Variants in RASA2 observed in about 807,000 individuals in gnomAD.
RASA2 encodes RAS p21 protein activator 2.
In RASA2, 155 loss-of-function variants were observed where a neutral mutation model predicts 118.2. The observed-to-expected ratio is 1.31, with a 90% confidence interval of 1.15 to 1.50. RASA2 has a LOEUF of 1.50. Ranked by LOEUF, RASA2 falls within the 40% of genes most tolerant of loss-of-function variation. RASA2 has a pLI of 0.00. For synonymous variants in RASA2, 353 were observed against 349.1 expected (o/e 1.01, Z -0.12); for missense variants, 1,016 against 1,009.6 (o/e 1.01, Z -0.09).
At chr3:141,589,928 G>T (rs1407289229) in intron 19 of RASA2, among the ~76,000 whole-genome samples, 2 of 152,168 alleles carry the variant, frequency 1.3e-5, no homozygotes, top group African/African-American at 4.8e-5. Flanking sequence ...GCTACTAGAG[G>T]TATAAAACAG....
intron 19 of RASA2, among the ~76,000 whole-genome samples, chr3:141,604,156 CTT>C (rs2083510976): frequency 6.6e-6 from 1 of 152,180 alleles, no homozygotes; most frequent in South Asian, 2.1e-4. Flanking sequence ...GTAATGACAA[CTT>C]TAAAACCTGA....
In RASA2 at chr3:141,612,427, C is replaced by A; in HGVS notation, c.*114C>A. 1 of 766,736 alleles carries A rather than the reference C, an allele frequency of 1.3e-6. No homozygotes were observed. The highest frequency in any genetic ancestry group is 2.1e-6 in the Non-Finnish European group (1 of 476,656). 47.5% of individuals were successfully genotyped at this position (766,736 alleles called of 1,614,324 possible). A position where few individuals can be genotyped will look rare whatever the true frequency, so the allele number is the denominator to read the frequency against. The stretch of plus-strand genomic sequence containing the variant: ...GAATGAGCATCCGCTTCAATGTCAT[C>A]TGCCTCCACATTGTATTTAATATTT... On this transcript the variant is annotated 3_prime_UTR_variant, in exon 24 of 24. Coordinates refer to ENST00000286364, the MANE Select transcript of RASA2 (RefSeq NM_006506.5).
At chr3:141,581,583 C>G (rs983740307) in intron 17 of RASA2, among the ~76,000 whole-genome samples, 2 of 152,246 alleles carry the variant, frequency 1.3e-5, no homozygotes, top group African/African-American at 4.8e-5. Context: ...AAACATGCCT[C>G]CAGGTATTGC....
Position 141,608,607 on chromosome 3 carries a change from G to A in RASA2, c.2135G>A (p.Ser712Asn). The change falls in exon 21 of 24, where the codon AGT (serine) becomes AAT (asparagine). Residue 712 changes from serine to asparagine, a missense_variant. Physicochemically the swap from Ser to Asn is conservative, Grantham distance 46. Coordinates refer to ENST00000286364, the MANE Select transcript of RASA2 (RefSeq NM_006506.5). ...RVSRCNQNRL[S>N]FYHPSVYLNG... ...AGCCGATGCAATCAAAACAGGCTCA[G>A]TTTTTATCATCCCTCTGTGTATCTG... 1 of 1,613,986 alleles carries A rather than the reference G, an allele frequency of 6.2e-7. No individual in the cohort carries two copies. The highest frequency in any genetic ancestry group is 8.5e-7 in the Non-Finnish European group (1 of 1,179,908).
chr3:141,568,377 A>G (rs573517676), intron 9 of RASA2, among the ~76,000 whole-genome samples: 4 of 152,190 alleles, frequency 2.6e-5, no homozygotes, highest in African/African-American at 7.2e-5. Flanking sequence ...TTAAAAATCT[A>G]TATAAAATTA....
At chr3:141,583,406 CAA>C (rs550667824) in intron 17 of RASA2, among the ~76,000 whole-genome samples, 340 of 152,118 alleles carry the variant, frequency 2.2e-3, no homozygotes, top group African/African-American at 7.9e-3. Context: ...GCTTGGGCAA[CAA>C]GAGCAAAACT....
chr3:141,536,946 C>T (rs543599226), intron 4 of RASA2, among the ~76,000 whole-genome samples: 18 of 152,030 alleles, frequency 1.2e-4, no homozygotes, highest in Non-Finnish European at 2.2e-4. Context: ...GGGGTTTCTC[C>T]GTGTTGGTCA....
At chr3:141,611,893 G>A (rs532983012) in intron 23 of RASA2, among the ~76,000 whole-genome samples, 23 of 152,178 alleles carry the variant, frequency 1.5e-4, no homozygotes, top group Admixed American at 3.3e-4. Flanking sequence ...GTTTCCATAT[G>A]AGATCCCAGA....
intron 3 of RASA2, 130 bp downstream of exon 3, chr3:141,516,561 GTTCATTTGTGAAAT>G: frequency 1.4e-6 from 1 of 722,060 alleles, no homozygotes; most frequent in Non-Finnish European, 1.9e-6. Context: ...TAGACTACAT[GTTCATTTGTGAAAT>G]TTCATTTTTA....
intron 1 of RASA2, among the ~76,000 whole-genome samples, chr3:141,492,421 C>T (rs1474373830): frequency 6.6e-6 from 1 of 152,130 alleles, no homozygotes; most frequent in Non-Finnish European, 1.5e-5. Flanking sequence ...ATTTTTATGG[C>T]ATCTCTTTAG....
chr3:141,574,796 T>C (rs1357912158), intron 14 of RASA2, among the ~76,000 whole-genome samples: 1 of 152,216 alleles, frequency 6.6e-6, no homozygotes, highest in Non-Finnish European at 1.5e-5. Context: ...TAAAATTGAC[T>C]AGATTTGACA....
chr3:141,540,002 T>C (rs2082384292), intron 4 of RASA2, among the ~76,000 whole-genome samples: 1 of 152,190 alleles, frequency 6.6e-6, no homozygotes. Flanking sequence ...TATGGATTCC[T>C]ACCCACTCCC....
intron 4 of RASA2, among the ~76,000 whole-genome samples, chr3:141,537,433 G>A (rs940235726): frequency 6.6e-6 from 1 of 151,882 alleles, no homozygotes; most frequent in Non-Finnish European, 1.5e-5. Context: ...TAGTTTCCAG[G>A]TATCTGCTGG....
chr3:141,608,703 T>C lies in RASA2; in HGVS notation c.2225+6T>C. On this transcript the variant is annotated splice_donor_region_variant and intron_variant, in intron 21 of 23. Transcript: ENST00000286364. ...GGCTGCAAGCCATGTACTGCGTAAG[T>C]TTCTTTCTGATTATAAAAGCAGTGT... 1 of 1,609,100 alleles carries C rather than the reference T, an allele frequency of 6.2e-7. No homozygotes were observed. The highest frequency in any genetic ancestry group is 8.5e-7 in the Non-Finnish European group (1 of 1,175,614).
intron 3 of RASA2, among the ~76,000 whole-genome samples, chr3:141,522,681 C>T (rs1251019569): frequency 6.6e-6 from 1 of 152,094 alleles, no homozygotes; most frequent in Non-Finnish European, 1.5e-5. Context: ...GCCAGCTCTT[C>T]TTTATACCTC....
intron 19 of RASA2, among the ~76,000 whole-genome samples, chr3:141,594,909 T>C (rs1433752135): frequency 1.3e-5 from 2 of 152,000 alleles, no homozygotes; most frequent in Admixed American, 1.3e-4. Context: ...AAGCAACTGT[T>C]CGATGCAAAA....
At chr3:141,495,511 TAATC>T (rs2081689762) in intron 1 of RASA2, among the ~76,000 whole-genome samples, 1 of 150,728 alleles carries the variant, frequency 6.6e-6, no homozygotes, top group Non-Finnish European at 1.5e-5. Context: ...AAGTAAAAAT[TAATC>T]AGGGAAATAA....
chr3:141,588,018 T>G (rs1214201023), intron 19 of RASA2, among the ~76,000 whole-genome samples: 1 of 152,208 alleles, frequency 6.6e-6, no homozygotes, highest in East Asian at 1.9e-4. Context: ...TTTCCTGTCT[T>G]TCTTGTGTAA....
At chr3:141,612,171 G>T in intron 23 of RASA2, 112 bp from the exon 24 acceptor site, 1 of 780,996 alleles carries the variant, frequency 1.3e-6, no homozygotes. Flanking sequence ...ACAACATTTG[G>T]CATGAGAGAT....
Sources: allele counts gnomAD v4.1 joint callset (sites outside exome capture counted in the v4.1 genomes callset), GRCh38; gene constraint gnomAD v4.1.1; transcripts MANE v1.5; gene names NCBI Gene and HGNC (gene_info 2026-07-23, HGNC 2026-07-21).